The following UNC13B variants were observed in gnomAD, a reference collection of about 807,000 sequenced individuals.
UNC13B encodes the protein protein unc-13 homolog B.
A neutral mutation model predicts 211.0 loss-of-function variants in UNC13B; 144 were observed. The ratio of observed to expected loss-of-function variants is 0.68; its 90% CI spans 0.60 to 0.78. The LOEUF (loss-of-function observed/expected upper bound fraction) is 0.78, where lower values mean the gene tolerates loss of function less well. Among genes scored for constraint, UNC13B ranks in the 30% least tolerant of loss-of-function variants. The pLI, the probability that UNC13B is intolerant of heterozygous loss-of-function variation, is 0.00. For synonymous variants in UNC13B, 709 were observed against 725.8 expected, an observed-to-expected ratio of 0.98 and a Z score of 0.37; for missense variants, 1,777 against 2,002.0, an observed-to-expected ratio of 0.89 and a Z score of 2.14.
Position 35,228,023 on chromosome 9 carries a change from G to A in UNC13B, c.31G>A (p.Ala11Thr), listed in dbSNP as rs867630269. 1.2e-6 allele frequency: 2 copies of A among 1,611,700 alleles called. No individual in the cohort carries two copies. Among genetic ancestry groups the A allele is most frequent in the African/African-American group, 1.3e-5 (1 of 74,790 alleles). MSLLCVRVKR[A>T]KFQGSPDKFN... Reference sequence around the variant, plus strand: ...TCTTTTTTCTCTTGCAGTTAAAAGGGCCAAATTCCAGGGTTCACCAGGTAA... The same window carrying A: ...TCTTTTTTCTCTTGCAGTTAAAAGGACCAAATTCCAGGGTTCACCAGGTAA... The change falls in exon 2 of 40, where the codon GCC becomes ACC. Residue 11 changes from alanine to threonine, a missense_variant. Physicochemically the swap from Ala to Thr is moderately conservative, Grantham distance 58. Transcript: ENST00000635942.
intron 11 of UNC13B, among the ~76,000 whole-genome samples, chr9:35,350,488 C>T (rs552999309): frequency 2.6e-5 from 4 of 152,156 alleles, no homozygotes; most frequent in Non-Finnish European, 4.4e-5. Context: ...GAAAGCCAAA[C>T]CCAGATATTG....
intron 1 of UNC13B, among the ~76,000 whole-genome samples, chr9:35,197,688 C>G (rs1336145647): frequency 3.3e-5 from 5 of 152,002 alleles, no homozygotes; most frequent in Non-Finnish European, 5.9e-5. Flanking sequence ...GCGGACTTCC[C>G]CCTTGCTGTT....
rs747265998 is a variant in UNC13B, at chr9:35,196,929, C to A, written c.23-31086C>A. On this transcript the variant is annotated intron_variant, in intron 1 of 39. Transcript: ENST00000635942. ...GAGACTGCAGGCATGTGCCACCATG[C>A]CCAGCTAATTTTTAATTTTTTTGTA... is the stretch of plus-strand genomic sequence containing the variant. 2.0e-5 allele frequency among the ~76,000 whole-genome samples: 3 copies of A among 151,942 alleles called. No homozygotes were observed. The South Asian group carries it at 6.2e-4, about 32-fold the overall frequency.
rs117362213 is a variant in UNC13B, at chr9:35,319,502, G to T, written c.9414+5513G>T. ...ATTTTGCATGATGCTGAGATTTGGG[G>T]TATAGATCCTGTCACCCATGTAGTG... On this transcript the variant is annotated intron_variant, in intron 11 of 39. Coordinates refer to ENST00000635942, the MANE Select transcript of UNC13B (RefSeq NM_001371189.2). Among the ~76,000 whole-genome samples the T allele has an allele frequency of 9.2e-3, 1,391 of 151,254 alleles. 11 individuals carry two copies. Among genetic ancestry groups the T allele is most frequent in the Middle Eastern group, 0.041 (12 of 290 alleles).
At chr9:35,385,440 G>T (rs192365288) in intron 22 of UNC13B, 3 of 985,334 alleles carry the variant, frequency 3.0e-6, no homozygotes, top group Non-Finnish European at 3.6e-6. Flanking sequence ...GTGTGCCTGT[G>T]TGTTCCTTTG....
rs542744436 is a variant in UNC13B at position 35,184,195 on chromosome 9, G to A, written c.22+21890G>A. Reference sequence around the variant, plus strand: ...GCGCCCCTCACTTCCCAGACAGGGCGGCCGGGCAGAGGCGCTCCTCACTTC... The same window carrying A: ...GCGCCCCTCACTTCCCAGACAGGGCAGCCGGGCAGAGGCGCTCCTCACTTC... On this transcript the variant is annotated intron_variant, in intron 1 of 39. Coordinates refer to ENST00000635942, the MANE Select transcript of UNC13B (RefSeq NM_001371189.2). 7.7e-4 allele frequency among the ~76,000 whole-genome samples: 116 copies of A among 149,848 alleles called. 1 individual carries two copies. Among genetic ancestry groups the A allele is most frequent in the Middle Eastern group, 3.7e-3 (1 of 272 alleles).
chr9:35,368,455 GC>G (rs1211528775), intron 12 of UNC13B, among the ~76,000 whole-genome samples: 1 of 152,146 alleles, frequency 6.6e-6, no homozygotes, highest in African/African-American at 2.4e-5. Flanking sequence ...TATCCAGTGT[GC>G]CACTGATGGG....
intron 11 of UNC13B, among the ~76,000 whole-genome samples, chr9:35,317,518 CTTT>C (rs748345363): frequency 9.2e-5 from 9 of 97,652 alleles, no homozygotes; most frequent in African/African-American, 1.3e-4. Context: ...GCTAAAGAAG[CTTT>C]TTTTTTTTTT....
intron 13 of UNC13B, among the ~76,000 whole-genome samples, chr9:35,371,147 G>A (rs1045468828): frequency 6.6e-6 from 1 of 152,004 alleles, no homozygotes; most frequent in African/African-American, 2.4e-5. Flanking sequence ...TTCTGTTTCT[G>A]TTTTCTTTTT....
intron 7 of UNC13B, among the ~76,000 whole-genome samples, chr9:35,280,356 G>A (rs1828412897): frequency 6.6e-6 from 1 of 152,296 alleles, no homozygotes; most frequent in Non-Finnish European, 1.5e-5. Context: ...CACTCCCCAT[G>A]TCCTGGTCAA....
chr9:35,290,715 C>T (rs1463218152), intron 7 of UNC13B, among the ~76,000 whole-genome samples: 1 of 151,680 alleles, frequency 6.6e-6, no homozygotes, highest in East Asian at 2.0e-4. Context: ...CTTATTTTGA[C>T]AAAGGAAAGA....
At chr9:35,324,618 T>C (rs1358808351) in intron 11 of UNC13B, among the ~76,000 whole-genome samples, 1 of 152,200 alleles carries the variant, frequency 6.6e-6, no homozygotes, top group Non-Finnish European at 1.5e-5. Context: ...GTTTATCTTA[T>C]TGGACCTCTT....
intron 1 of UNC13B, among the ~76,000 whole-genome samples, chr9:35,219,715 C>T (rs1824466019): frequency 6.6e-6 from 1 of 151,622 alleles, no homozygotes; most frequent in African/African-American, 2.4e-5. Context: ...ATGTAGTTGC[C>T]ACCTTAATTT....
At chr9:35,401,362 T>C (rs1836289373) in intron 37 of UNC13B, among the ~76,000 whole-genome samples, 3 of 152,294 alleles carry the variant, frequency 2.0e-5, no homozygotes, top group African/African-American at 7.2e-5. Flanking sequence ...TCTGTTCTCA[T>C]TTCCAATCCA....
intron 1 of UNC13B, among the ~76,000 whole-genome samples, chr9:35,225,020 C>T (rs995596516): frequency 5.9e-5 from 9 of 151,720 alleles, no homozygotes; most frequent in Admixed American, 6.6e-5. Flanking sequence ...AAAAATTACA[C>T]ATTAAAGGAA....
intron 7 of UNC13B, among the ~76,000 whole-genome samples, chr9:35,293,955 G>A (rs4879889): frequency 0.18 from 27,304 of 151,982 alleles, 2,851 homozygotes; most frequent in Non-Finnish European, 0.24. Flanking sequence ...AACTCAAATA[G>A]GAAAAGCTCA....
At position 35,295,854 on chromosome 9, in the gene UNC13B, C is replaced by T; in HGVS notation, c.685C>T (p.Gln229Ter). The T allele has an allele frequency of 6.2e-7, 1 of 1,614,178 alleles. No individual in the cohort carries two copies. Among genetic ancestry groups the T allele is most frequent in the South Asian group, 1.1e-5 (1 of 91,084 alleles). The change falls in exon 8 of 40, where the codon CAA (glutamine) becomes TAA (stop). Residue 229 changes from glutamine (Q) to a stop codon, truncating the protein, a stop_gained. Transcript: ENST00000635942. LOFTEE classifies it high-confidence loss of function. Reference protein sequence around the residue: ...PVRSPQQLLLQGSSRDSCNDS... With the variant: ...PVRSPQQLLL ...GCGATCGCCACAGCAGCTGCTACTT[C>T]AAGGCAGTTCCCGGGACTCTTGTAA... is the stretch of plus-strand genomic sequence containing the variant.
At chr9:35,263,425 G>C (rs1827393616) in intron 7 of UNC13B, among the ~76,000 whole-genome samples, 1 of 151,362 alleles carries the variant, frequency 6.6e-6, no homozygotes, top group Admixed American at 6.6e-5. Context: ...CAAAATCCGT[G>C]CATACTCAAA....
chr9:35,163,049 T>C (rs1480771588), intron 1 of UNC13B, among the ~76,000 whole-genome samples: 1 of 152,194 alleles, frequency 6.6e-6, no homozygotes, highest in Non-Finnish European at 1.5e-5. Flanking sequence ...CTGTTTCTTA[T>C]TAGTTTTTGT....
Sources: gnomAD v4.1 joint callset for allele counts (sites outside exome capture counted in the v4.1 genomes callset) on GRCh38, gnomAD v4.1.1 for gene constraint, MANE v1.5 for transcripts, NCBI Gene and HGNC (gene_info 2026-07-23, HGNC 2026-07-21) for gene names.